The following WDR5 variants were observed in gnomAD, a reference collection of about 807,000 sequenced individuals.
WDR5 encodes the protein WD repeat domain 5, also known as WD repeat-containing protein 5.
For missense variants in WDR5, 187 were observed against 416.9 expected (o/e 0.45, Z 4.80); for synonymous variants, 144 against 161.6 (o/e 0.89, Z 0.83).
At chr9:134,153,747 C>T (rs116591613) in intron 9 of WDR5, among the ~76,000 whole-genome samples, 2,349 of 151,674 alleles carry the variant, frequency 0.015, 58 homozygotes, top group African/African-American at 0.054. Context: ...GCTTGGGGGT[C>T]GGTGGGGGTC....
Position 134,157,336 on chromosome 9 carries a change from G to A in WDR5, c.905-557G>A, listed in dbSNP as rs114298672. Among the ~76,000 whole-genome samples, 181 of 152,272 alleles carry A rather than the reference G, an allele frequency of 1.2e-3. No homozygotes were observed. The highest frequency in any genetic ancestry group is 4.1e-3 in the African/African-American group (171 of 41,552). On this transcript the variant is annotated intron_variant, in intron 13 of 13. Transcript: ENST00000358625. This position sits in a 1 kb window ranked among gnomAD's most constrained non-coding sequence, Gnocchi z 5.0. ...AAGCTGTAAACACTTTGATGTGGCCGACCTTGCACCACCAGTCTGTTAGTT... is the reference window on the plus strand; with the variant it reads ...AAGCTGTAAACACTTTGATGTGGCCAACCTTGCACCACCAGTCTGTTAGTT...
intron 9 of WDR5, among the ~76,000 whole-genome samples, chr9:134,152,834 C>T (rs1012178019): frequency 6.6e-6 from 1 of 152,204 alleles, no homozygotes; most frequent in Non-Finnish European, 1.5e-5. Flanking sequence ...GTCCAGGAGG[C>T]TGTGGTCAGG....
At chr9:134,144,262 C>T (rs1431898529) in intron 7 of WDR5, among the ~76,000 whole-genome samples, 2 of 152,236 alleles carry the variant, frequency 1.3e-5, no homozygotes, top group South Asian at 2.1e-4. Context: ...CCATGTGGCC[C>T]TGTGCTTGTG....
intron 7 of WDR5, among the ~76,000 whole-genome samples, chr9:134,147,864 A>G (rs1391442929): frequency 7.9e-6 from 1 of 126,272 alleles, no homozygotes; most frequent in African/African-American, 4.2e-5. Flanking sequence ...TCTTATGAAG[A>G]AAAAAAAAAG....
chr9:134,154,697 C>T (rs768826517), intron 10 of WDR5, among the ~76,000 whole-genome samples, 156 bp downstream of exon 10: 8 of 152,282 alleles, frequency 5.3e-5, no homozygotes, highest in Non-Finnish European at 7.4e-5. Context: ...CCTGTTAGGT[C>T]GGAGGGCAGG....
At chr9:134,141,825 T>C in intron 4 of WDR5, 124 bp from the exon 5 acceptor site, 2 of 1,039,618 alleles carry the variant, frequency 1.9e-6, no homozygotes, top group Non-Finnish European at 1.4e-6. Flanking sequence ...GCCGTGTGTC[T>C]TTTGTAAGGT....
intron 4 of WDR5, 61 bp from the exon 5 acceptor site, chr9:134,141,888 C>T (rs1831908570): frequency 6.6e-7 from 1 of 1,513,152 alleles, no homozygotes; most frequent in Non-Finnish European, 9.2e-7. Flanking sequence ...GGGATTTTGA[C>T]CTTTTGCCGA....
chr9:134,146,532 G>A (rs1300264207), intron 7 of WDR5, among the ~76,000 whole-genome samples: 3 of 152,312 alleles, frequency 2.0e-5, no homozygotes, highest in East Asian at 3.9e-4. Flanking sequence ...CACCGCGCCC[G>A]GCCTCCCTTA....
chr9:134,137,475 G>C (rs1334576692), intron 1 of WDR5, among the ~76,000 whole-genome samples: 1 of 151,934 alleles, frequency 6.6e-6, no homozygotes, highest in Non-Finnish European at 1.5e-5. Flanking sequence ...CTGAGGTCAG[G>C]AGTTCGAGAC....
intron 1 of WDR5, among the ~76,000 whole-genome samples, chr9:134,136,503 C>T (rs1831565086): frequency 6.6e-6 from 1 of 152,116 alleles, no homozygotes; most frequent in Admixed American, 6.5e-5. Context: ...CCGCAGGCAG[C>T]GTGCCCGGCC....
At chr9:134,152,987 G>C (rs530141802) in intron 9 of WDR5, among the ~76,000 whole-genome samples, 1 of 152,336 alleles carries the variant, frequency 6.6e-6, no homozygotes, top group South Asian at 2.1e-4. Context: ...CCTCTTTGAA[G>C]GCCCTGTCTC....
Position 134,148,327 on chromosome 9 carries a change from A to T in WDR5, c.568A>T (p.Ser190Cys). ...TGATGGATCCTTGATAGTTTCAAGTAGCTATGATGGTCTCTGGTAAGTGAA... is the reference window on the plus strand; with the variant it reads ...TGATGGATCCTTGATAGTTTCAAGTTGCTATGATGGTCTCTGGTAAGTGAA... Reference protein sequence around the residue: ...NRDGSLIVSSSYDGLCRIWDT... With the variant: ...NRDGSLIVSSCYDGLCRIWDT... Residue 190 changes from serine (S) to cysteine (C), a missense_variant, in exon 8 of 14, where the codon AGC (serine) becomes TGC (cysteine). Ser to Cys is a moderately radical substitution (Grantham distance 112). Transcript: ENST00000358625. 1 of 1,612,228 alleles carries T rather than the reference A, an allele frequency of 6.2e-7. No individual in the cohort carries two copies. The highest frequency in any genetic ancestry group is 8.5e-7 in the Non-Finnish European group (1 of 1,179,290).
At chr9:134,137,861 G>A (rs1831659394) in intron 1 of WDR5, among the ~76,000 whole-genome samples, 1 of 151,986 alleles carries the variant, frequency 6.6e-6, no homozygotes, top group Non-Finnish European at 1.5e-5. Flanking sequence ...TCCTGCCTCA[G>A]CCTCCCGAGT....
intron 1 of WDR5, among the ~76,000 whole-genome samples, chr9:134,137,218 C>T (rs570722673): frequency 4.1e-4 from 62 of 152,296 alleles, no homozygotes; most frequent in African/African-American, 1.4e-3. Context: ...TCAGGCTTAC[C>T]TGGATGAAAA....
chr9:134,157,442 G>T lies in WDR5; in HGVS notation c.905-451G>T, dbSNP rs145546063. Among the ~76,000 whole-genome samples the T allele has an allele frequency of 6.6e-6, 1 of 152,164 alleles. No homozygotes were observed. Among genetic ancestry groups the T allele is most frequent in the East Asian group, 1.9e-4 (1 of 5,186 alleles). On this transcript the variant is annotated intron_variant, in intron 13 of 13. Coordinates refer to ENST00000358625, the MANE Select transcript of WDR5 (RefSeq NM_017588.3). The surrounding 1 kb of genome is among the most constrained non-coding windows in gnomAD (Gnocchi z 5.0). ...TGGGGTGCTCTGGGGCTTAGCATTGGGGGGAGGCGGTGGGAGTGGGCGGCT... is the reference window on the plus strand; with the variant it reads ...TGGGGTGCTCTGGGGCTTAGCATTGTGGGGAGGCGGTGGGAGTGGGCGGCT...
intron 11 of WDR5, 27 bp downstream of exon 11, chr9:134,155,400 A>G (rs751113849): frequency 1.1e-5 from 18 of 1,589,202 alleles, no homozygotes; most frequent in East Asian, 4.5e-5. Context: ...TTGGGCCCCC[A>G]TGGTGCACCA....
At chr9:134,155,426 C>G in intron 11 of WDR5, 53 bp downstream of exon 11, 1 of 1,558,600 alleles carries the variant, frequency 6.4e-7, no homozygotes. Context: ...GGGTCATGGC[C>G]TCTGGTGGGG....
At chr9:134,155,654 A>T (rs1171684911) in intron 11 of WDR5, 39 bp from the exon 12 acceptor site, 2 of 1,597,072 alleles carry the variant, frequency 1.3e-6, no homozygotes, top group Admixed American at 3.4e-5. Flanking sequence ...ATCAAGGGGA[A>T]CCATGACTCT....
chr9:134,136,936 G>A (rs72766676), intron 1 of WDR5, among the ~76,000 whole-genome samples: 7,875 of 152,288 alleles, frequency 0.052, 216 homozygotes, highest in Middle Eastern at 0.085. Flanking sequence ...TGTCCTAGCC[G>A]GTGGGGAAGA....
Sources: gnomAD v4.1 joint callset for allele counts (sites outside exome capture counted in the v4.1 genomes callset) on GRCh38, gnomAD v4.1.1 for gene constraint, Gnocchi (gnomAD v3.1) non-coding constraint, MANE v1.5 for transcripts, NCBI Gene and HGNC (gene_info 2026-07-23, HGNC 2026-07-21) for gene names.